LRP1B: variants seen among roughly 807,000 people sequenced by gnomAD.
The protein encoded by LRP1B is LDL receptor related protein 1B.
In LRP1B, 217 loss-of-function variants were observed where a neutral mutation model predicts 556.6. The ratio of observed to expected loss-of-function variants is 0.39; its 90% CI spans 0.35 to 0.44. The LOEUF (loss-of-function observed/expected upper bound fraction) is 0.44, where lower values mean the gene tolerates loss of function less well. Among genes scored for constraint, LRP1B ranks in the 20% least tolerant of loss-of-function variants. The pLI, the probability that LRP1B is intolerant of heterozygous loss-of-function variation, is 1.00. For synonymous variants in LRP1B, 2,047 were observed against 1,865.8 expected (o/e 1.10, Z -2.50); for missense variants, 5,053 against 5,620.8 (o/e 0.90, Z 3.23).
chr2:141,229,400 A>C lies in LRP1B; in HGVS notation c.633T>G (p.Phe211Leu), dbSNP rs780306387. Residue 211 changes from phenylalanine (F) to leucine (L), a missense_variant, in exon 6 of 91, where the codon TTT becomes TTG. Phe to Leu is a conservative substitution (Grantham distance 22, BLOSUM62 0). Transcript: ENST00000389484. ...DRPPILLIAN[F>L]ETIEVFYLNG... is the part of the protein sequence containing the mutation. ...TAAGATAGAAAACCTCAATTGTTTCAAAATTTGCAATTAATAGTATAGGTG... is the reference window on the plus strand; with the variant it reads ...TAAGATAGAAAACCTCAATTGTTTCCAAATTTGCAATTAATAGTATAGGTG... 5 of 1,602,618 alleles carry C rather than the reference A, an allele frequency of 3.1e-6. No homozygotes were observed. Among genetic ancestry groups the C allele is most frequent in the Non-Finnish European group, 4.3e-6 (5 of 1,170,452 alleles).
chr2:140,428,022 G>C (rs982779113), intron 66 of LRP1B, among the ~76,000 whole-genome samples: 1 of 152,046 alleles, frequency 6.6e-6, no homozygotes, highest in Non-Finnish European at 1.5e-5. Flanking sequence ...ATCAGATAAC[G>C]TTTAGGCTCT....
chr2:142,127,049 A>G (rs11886791), intron 1 of LRP1B, among the ~76,000 whole-genome samples: 2 of 151,484 alleles, frequency 1.3e-5, no homozygotes, highest in South Asian at 2.1e-4. Flanking sequence ...TACATTAACC[A>G]TATCACTCAT....
chr2:140,903,008 T>A lies in LRP1B; in HGVS notation c.3678A>T (p.Gln1226His). The A allele has an allele frequency of 6.2e-7, 1 of 1,613,792 alleles. No individual in the cohort carries two copies. Among genetic ancestry groups the A allele is most frequent in the Non-Finnish European group, 8.5e-7 (1 of 1,179,778 alleles). The change falls in exon 23 of 91, where the codon CAA becomes CAT. Residue 1226 changes from glutamine (Q) to histidine (H), a missense_variant. This residue lies in a region of LRP1B where 3,619 missense variants were observed against 3,931.9 expected (regional missense o/e 0.92). Transcript: ENST00000389484. ...DYCSNHLKCSQVCEQHKHTVK... is the reference protein window; with the variant it reads ...DYCSNHLKCSHVCEQHKHTVK... Reference sequence around the variant, plus strand: ...CTGTGTGCTTGTGCTGCTCACATACTTGGCTGCACTTTAGATGATTGCTAC... The same window carrying A: ...CTGTGTGCTTGTGCTGCTCACATACATGGCTGCACTTTAGATGATTGCTAC...
rs1690838926 is a variant in LRP1B at position 140,534,072 on chromosome 2, A to G, written c.7711T>C (p.Cys2571Arg). 1 of 1,613,426 alleles carries G rather than the reference A, an allele frequency of 6.2e-7. No homozygotes were observed. The highest frequency in any genetic ancestry group is 1.7e-5 in the Admixed American group (1 of 59,946). The change falls in exon 47 of 91, where the codon TGT becomes CGT. Residue 2571 changes from cysteine to arginine, a missense_variant. Cys to Arg is a radical substitution (Grantham distance 180). Coordinates refer to ENST00000389484, the MANE Select transcript of LRP1B (RefSeq NM_018557.3). ...TCTCCGCAGTCATTTTCTCCATCACATAACTTGCCATGAGGAATGCAGCGG... is the reference window on the plus strand; with the variant it reads ...TCTCCGCAGTCATTTTCTCCATCACGTAACTTGCCATGAGGAATGCAGCGG... The part of the protein sequence containing the change: ...NRRCIPHGKL[C>R]DGENDCGDNS...
At chr2:142,011,506 G>A (rs1308464666) in intron 1 of LRP1B, among the ~76,000 whole-genome samples, 3 of 152,148 alleles carry the variant, frequency 2.0e-5, no homozygotes, top group African/African-American at 7.2e-5. Context: ...ATGAGCTTCA[G>A]GTGACAAAGT....
intron 3 of LRP1B, among the ~76,000 whole-genome samples, chr2:141,372,083 T>C (rs928620208): frequency 4.6e-5 from 7 of 152,302 alleles, no homozygotes; most frequent in African/African-American, 1.4e-4. Flanking sequence ...AGATACTGAA[T>C]TTTATCAAAT....
intron 41 of LRP1B, among the ~76,000 whole-genome samples, chr2:140,615,129 C>A (rs529663521): frequency 1.3e-5 from 2 of 152,226 alleles, no homozygotes; most frequent in East Asian, 3.9e-4. Context: ...GATAACATCA[C>A]TACTGCAAAA....
At chr2:140,283,718 C>A (rs534844238) in intron 84 of LRP1B, among the ~76,000 whole-genome samples, 3 of 151,542 alleles carry the variant, frequency 2.0e-5, no homozygotes, top group African/African-American at 7.3e-5. Context: ...ACAATGATGG[C>A]ATCAATAGTT....
intron 2 of LRP1B, among the ~76,000 whole-genome samples, chr2:141,501,390 T>C (rs752134634): frequency 4.4e-4 from 67 of 152,094 alleles, no homozygotes; most frequent in Non-Finnish European, 8.7e-4. Context: ...TTTTATGAAT[T>C]CCAAGTGCCT....
intron 5 of LRP1B, among the ~76,000 whole-genome samples, chr2:141,231,379 C>T (rs17528382): frequency 0.063 from 9,599 of 152,242 alleles, 408 homozygotes; most frequent in South Asian, 0.11. Flanking sequence ...CATGCATTGG[C>T]ATTTTTATCC....
intron 24 of LRP1B, among the ~76,000 whole-genome samples, chr2:140,884,443 C>T (rs1318060720): frequency 6.6e-6 from 1 of 152,064 alleles, no homozygotes; most frequent in South Asian, 2.1e-4. Context: ...AAGAAAAAGC[C>T]CACCAGAGCT....
intron 68 of LRP1B, among the ~76,000 whole-genome samples, chr2:140,375,910 A>G (rs1683209708): frequency 6.6e-6 from 1 of 152,098 alleles, no homozygotes; most frequent in Admixed American, 6.6e-5. Flanking sequence ...AGCTAATCAT[A>G]TTATCAGTTC....
intron 2 of LRP1B, among the ~76,000 whole-genome samples, chr2:141,602,441 GATATTTAGAAAGTAATTTAAACA>G (rs1320342633): frequency 2.0e-5 from 3 of 152,110 alleles, no homozygotes; most frequent in Non-Finnish European, 2.9e-5. Context: ...AACAGGCAAA[GATATTTAGAAAGTAATTTAAACA>G]ATATTTAGAA....
intron 2 of LRP1B, among the ~76,000 whole-genome samples, chr2:141,625,719 A>G (rs919427921): frequency 6.6e-6 from 1 of 152,166 alleles, no homozygotes; most frequent in East Asian, 1.9e-4. Flanking sequence ...GTTACTTTTT[A>G]TAGACATCAG....
intron 1 of LRP1B, among the ~76,000 whole-genome samples, chr2:142,087,153 C>T (rs549040157): frequency 2.6e-5 from 4 of 152,174 alleles, no homozygotes; most frequent in South Asian, 2.1e-4. Flanking sequence ...TTCTACTTTT[C>T]GGAATGTTAT....
At chr2:140,969,727 C>CA (rs1234857456) in intron 18 of LRP1B, among the ~76,000 whole-genome samples, 8 of 152,114 alleles carry the variant, frequency 5.3e-5, no homozygotes, top group African/African-American at 1.9e-4. Flanking sequence ...CTAGTGGTGA[C>CA]AAAATCTCTC....
chr2:141,941,860 T>C (rs1245973957), intron 1 of LRP1B, among the ~76,000 whole-genome samples: 2 of 152,218 alleles, frequency 1.3e-5, no homozygotes, highest in East Asian at 3.8e-4. Flanking sequence ...CGTGCATCTA[T>C]ATCCTTGCTA....
intron 7 of LRP1B, among the ~76,000 whole-genome samples, chr2:141,143,084 A>G (rs1701696430): frequency 6.6e-6 from 1 of 151,870 alleles, no homozygotes; most frequent in Non-Finnish European, 1.5e-5. Context: ...GCGTGCTACC[A>G]CGCCTGGCTA....
intron 2 of LRP1B, among the ~76,000 whole-genome samples, chr2:141,766,944 A>G (rs1262802019): frequency 6.6e-6 from 1 of 152,180 alleles, no homozygotes; most frequent in Non-Finnish European, 1.5e-5. Flanking sequence ...AAACCCCTCT[A>G]ATACAGTTTG....
Sources: allele counts gnomAD v4.1 joint callset (sites outside exome capture counted in the v4.1 genomes callset), GRCh38; gene constraint gnomAD v4.1.1; regional missense constraint gnomAD v4.1.1; transcripts MANE v1.5; gene names NCBI Gene and HGNC (gene_info 2026-07-23, HGNC 2026-07-21).